The following CSMD3 variants were observed in gnomAD, a reference collection of about 807,000 sequenced individuals.
CSMD3 encodes CUB and sushi domain-containing protein 3.
CSMD3 carries 177 observed loss-of-function variants against 435.2 expected under a neutral mutation model. The observed-to-expected ratio is 0.41, with a 90% CI of 0.36 to 0.46. The LOEUF is 0.46. CSMD3 is among the 20% of genes least tolerant of loss of function. The pLI is 0.34. For missense variants in CSMD3, 4,265 were observed against 4,504.6 expected (o/e 0.95, Z 1.52); for synonymous variants, 1,656 against 1,520.5 (o/e 1.09, Z -2.07).
rs923539638 is a variant in CSMD3, at chr8:113,077,674, G to A, written c.917+21082C>T. Among the ~76,000 whole-genome samples the A allele has an allele frequency of 2.0e-5, 3 of 152,164 alleles. No homozygotes were observed. The East Asian group carries it at 5.8e-4, about 29-fold the overall frequency. Reference sequence around the variant, plus strand: ...GCCGAGATCGCATCACTGGACTCCAGCCTGGGTGACAGAGCAAGACTCTTG... The same window carrying A: ...GCCGAGATCGCATCACTGGACTCCAACCTGGGTGACAGAGCAAGACTCTTG... On this transcript the variant is annotated intron_variant, in intron 5 of 70. Coordinates refer to ENST00000297405, the MANE Select transcript of CSMD3 (RefSeq NM_198123.2).
intron 22 of CSMD3, among the ~76,000 whole-genome samples, chr8:112,630,107 T>C: frequency 6.6e-6 from 1 of 152,124 alleles, no homozygotes; most frequent in East Asian, 1.9e-4. Context: ...TCAGCCCTGG[T>C]TAACACATTA....
intron 50 of CSMD3, 94 bp from the exon 51 acceptor site, chr8:112,306,286 C>G: frequency 2.2e-6 from 2 of 896,184 alleles, no homozygotes; most frequent in South Asian, 1.4e-5. Context: ...GCAAAACTAA[C>G]GGGGATTTTT....
chr8:112,397,299 ACC>A (rs2129852349), intron 35 of CSMD3, among the ~76,000 whole-genome samples: 1 of 152,264 alleles, frequency 6.6e-6, no homozygotes, highest in Admixed American at 6.5e-5. Flanking sequence ...TGTCACATAG[ACC>A]CCATATATCC....
At chr8:112,685,150 G>T (rs1162146262) in intron 15 of CSMD3, among the ~76,000 whole-genome samples, 1 of 151,866 alleles carries the variant, frequency 6.6e-6, no homozygotes, top group Admixed American at 6.6e-5. Context: ...TAAATATATT[G>T]GCTTACATAA....
chr8:113,105,729 C>T (rs1172013727), intron 4 of CSMD3, among the ~76,000 whole-genome samples: 1 of 152,002 alleles, frequency 6.6e-6, no homozygotes, highest in African/African-American at 2.4e-5. Flanking sequence ...CTTAAAAATG[C>T]AATACTTAAA....
At chr8:112,592,134 A>G (rs1171021128) in intron 22 of CSMD3, among the ~76,000 whole-genome samples, 2 of 152,018 alleles carry the variant, frequency 1.3e-5, no homozygotes, top group Non-Finnish European at 2.9e-5. Context: ...GGCAGTATTA[A>G]TAACACTTTG....
At chr8:112,746,787 A>G (rs1360139137) in intron 13 of CSMD3, among the ~76,000 whole-genome samples, 1 of 152,194 alleles carries the variant, frequency 6.6e-6, no homozygotes, top group Non-Finnish European at 1.5e-5. Flanking sequence ...GTATCTGACA[A>G]TATAATTCAA....
chr8:112,472,922 A>G (rs955613569), intron 31 of CSMD3, among the ~76,000 whole-genome samples: 20 of 152,214 alleles, frequency 1.3e-4, no homozygotes, highest in African/African-American at 4.1e-4. Context: ...TGTTCTCAGA[A>G]ACAAAGTATG....
chr8:112,702,418 ATAGT>A (rs1330522532), intron 13 of CSMD3, among the ~76,000 whole-genome samples: 1 of 152,084 alleles, frequency 6.6e-6, no homozygotes, highest in Non-Finnish European at 1.5e-5. Flanking sequence ...ACAAAATCTC[ATAGT>A]TAGAGAAAAT....
intron 38 of CSMD3, among the ~76,000 whole-genome samples, chr8:112,372,828 G>A (rs954238752): frequency 1.3e-5 from 2 of 151,222 alleles, no homozygotes; most frequent in Non-Finnish European, 2.9e-5. Context: ...CAGCCTGGGT[G>A]ACAGAGCGAG....
intron 17 of CSMD3, 105 bp downstream of exon 17, chr8:112,666,172 A>C: frequency 1.1e-6 from 1 of 901,208 alleles, no homozygotes; most frequent in Non-Finnish European, 1.8e-6. Context: ...ACAGCAATTG[A>C]CTATTACAAT....
chr8:112,724,761 C>T (rs2076929747), intron 13 of CSMD3, among the ~76,000 whole-genome samples: 1 of 151,652 alleles, frequency 6.6e-6, no homozygotes, highest in South Asian at 2.1e-4. Context: ...ATGTGAGAGA[C>T]AAAAAGATGA....
chr8:112,243,250 A>T (rs1225635266), intron 65 of CSMD3, among the ~76,000 whole-genome samples: 2 of 152,214 alleles, frequency 1.3e-5, no homozygotes, highest in East Asian at 1.9e-4. Context: ...AAAAAATAGA[A>T]AGAAAAATAG....
intron 10 of CSMD3, among the ~76,000 whole-genome samples, chr8:112,896,159 G>T (rs1223168038): frequency 6.6e-6 from 1 of 151,362 alleles, no homozygotes; most frequent in Non-Finnish European, 1.5e-5. Flanking sequence ...TTTACTTGGA[G>T]TTTGCCTTTG....
chr8:113,360,600 GTC>G (rs553089243), intron 1 of CSMD3, among the ~76,000 whole-genome samples: 16,504 of 128,864 alleles, frequency 0.13, 1,561 homozygotes, highest in African/African-American at 0.28. Flanking sequence ...TTGAGACGGA[GTC>G]TCGCTCTGTC....
intron 3 of CSMD3, among the ~76,000 whole-genome samples, chr8:113,180,065 T>C (rs971181414): frequency 1.3e-5 from 2 of 151,916 alleles, no homozygotes; most frequent in African/African-American, 2.4e-5. Context: ...CTGAGATCAA[T>C]TAACAATGCT....
At chr8:112,689,326 T>G (rs2131821089) in intron 14 of CSMD3, among the ~76,000 whole-genome samples, 1 of 152,196 alleles carries the variant, frequency 6.6e-6, no homozygotes, top group Non-Finnish European at 1.5e-5. Flanking sequence ...TAAACTGCAA[T>G]ATCTTAATGT....
chr8:113,352,142 A>C (rs571952370), intron 1 of CSMD3, among the ~76,000 whole-genome samples: 1 of 152,294 alleles, frequency 6.6e-6, no homozygotes, highest in East Asian at 1.9e-4. Context: ...AGATCTACTT[A>C]GAACCCCAAA....
rs1811947447 is a variant in CSMD3 at position 112,416,694 on chromosome 8, A to G, written c.5396-7662T>C. ...TAATTCAATGATCAGGATTGGAGTT[A>G]TTGAATTAAAAATGAAAATTGAATT... On this transcript the variant is annotated intron_variant, in intron 32 of 70. Coordinates refer to ENST00000297405, the MANE Select transcript of CSMD3 (RefSeq NM_198123.2). Among the ~76,000 whole-genome samples, 2 of 151,874 alleles carry G rather than the reference A, an allele frequency of 1.3e-5. 1 individual carries two copies. Among genetic ancestry groups the G allele is most frequent in the South Asian group, 4.2e-4 (2 of 4,818 alleles).
Sources: allele counts gnomAD v4.1 joint callset (sites outside exome capture counted in the v4.1 genomes callset), GRCh38; gene constraint gnomAD v4.1.1; transcripts MANE v1.5; gene names NCBI Gene and HGNC (gene_info 2026-07-23, HGNC 2026-07-21).